Variants in IQCE observed in about 807,000 individuals in gnomAD.
The protein encoded by IQCE is IQ motif containing E, also known as IQ domain-containing protein E.
Under a neutral mutation model 96.0 loss-of-function variants are expected in IQCE, and 115 were observed. That is an observed-to-expected ratio of 1.20 (90% CI 1.03 to 1.40). The LOEUF is 1.40. Among genes scored for constraint, IQCE ranks in the 40% most tolerant of loss-of-function variants. IQCE has a pLI of 0.00. For missense variants in IQCE, 1,041 were observed against 909.1 expected (o/e 1.15, Z -1.87); for synonymous variants, 412 against 371.2 (o/e 1.11, Z -1.26).
intron 2 of IQCE, 55 bp from the exon 3 acceptor site, chr7:2,568,899 T>C: frequency 6.6e-7 from 1 of 1,508,254 alleles, no homozygotes; most frequent in Non-Finnish European, 9.2e-7. Flanking sequence ...TAGGGTCTTG[T>C]GATGCACCAC....
At chr7:2,571,336 T>C in intron 3 of IQCE, 190 bp from the exon 4 acceptor site, 1 of 660,930 alleles carries the variant, frequency 1.5e-6, no homozygotes, top group South Asian at 1.7e-5. Flanking sequence ...GCTATTTCTT[T>C]ATAATAAAAG....
At chr7:2,576,983 G>C (rs779801597) in intron 6 of IQCE, among the ~76,000 whole-genome samples, 11 of 152,166 alleles carry the variant, frequency 7.2e-5, no homozygotes, top group Admixed American at 1.3e-4. Context: ...CTCATCACGG[G>C]TTCCGTTGGT....
intron 4 of IQCE, among the ~76,000 whole-genome samples, 170 bp from the exon 5 acceptor site, chr7:2,572,022 A>T (rs920066212): frequency 6.6e-6 from 1 of 152,206 alleles, no homozygotes; most frequent in Non-Finnish European, 1.5e-5. Context: ...TCAGGACTGT[A>T]TTAATTGATA....
At chr7:2,565,105 T>TGC (rs1489180064) in intron 1 of IQCE, among the ~76,000 whole-genome samples, 3 of 148,628 alleles carry the variant, frequency 2.0e-5, no homozygotes, top group Non-Finnish European at 1.5e-5. Context: ...TGCGTGTGTG[T>TGC]GTGTGAGTGC....
intron 15 of IQCE, among the ~76,000 whole-genome samples, chr7:2,594,276 A>G (rs1783845366): frequency 6.6e-6 from 1 of 152,232 alleles, no homozygotes; most frequent in Non-Finnish European, 1.5e-5. Context: ...ACAAAAAAAA[A>G]GAAAACATTT....
chr7:2,586,390 C>G lies in IQCE; in HGVS notation c.988+19C>G, dbSNP rs749859854. 1.1e-5 allele frequency: 18 copies of G among 1,576,332 alleles called. No homozygotes were observed. The highest frequency in any genetic ancestry group is 1.5e-5 in the Non-Finnish European group (18 of 1,168,170). On this transcript the variant is annotated intron_variant, in intron 12 of 21. Coordinates refer to ENST00000402050, the MANE Select transcript of IQCE (RefSeq NM_152558.5). Reference sequence around the variant, plus strand: ...ACACAGGGTACCTTCCTGAAAGCCACTCCAGGAGGGAGGCCAGGGAATGGC... The same window carrying G: ...ACACAGGGTACCTTCCTGAAAGCCAGTCCAGGAGGGAGGCCAGGGAATGGC...
At chr7:2,605,748 A>C in intron 19 of IQCE, 128 bp from the exon 20 acceptor site, 3 of 924,124 alleles carry the variant, frequency 3.2e-6, no homozygotes, top group Non-Finnish European at 3.0e-6. Context: ...CCCGGGAGGC[A>C]GGGCCATCTG....
At chr7:2,563,064 T>A (rs546304705) in intron 1 of IQCE, among the ~76,000 whole-genome samples, 1 of 152,238 alleles carries the variant, frequency 6.6e-6, no homozygotes, top group South Asian at 2.1e-4. Flanking sequence ...TAGCTGGGAC[T>A]ACAGGCGTGT....
At chr7:2,585,503 A>G (rs1391485857) in intron 11 of IQCE, among the ~76,000 whole-genome samples, 1 of 152,250 alleles carries the variant, frequency 6.6e-6, no homozygotes, top group Non-Finnish European at 1.5e-5. Context: ...GGGGGCCCAC[A>G]CAGCCTTCCT....
In IQCE at chr7:2,602,478, G is replaced by A. The variant is rs557233682; in HGVS notation, c.1632+1014G>A. Among the ~76,000 whole-genome samples the A allele has an allele frequency of 5.3e-4, 80 of 152,226 alleles. 1 individual carries two copies. Among genetic ancestry groups the A allele is most frequent in the South Asian group, 1.2e-3 (6 of 4,822 alleles). On this transcript the variant is annotated intron_variant, in intron 18 of 21. Transcript: ENST00000402050. ...CACTTAGACTGCAGGAGAGGACCCC[G>A]CCTCAGTCACTCAGAGCTGGCGCTG...
intron 17 of IQCE, 149 bp downstream of exon 17, chr7:2,598,781 T>C: frequency 1.7e-6 from 1 of 587,444 alleles, no homozygotes; most frequent in Non-Finnish European, 2.6e-6. Flanking sequence ...GAAAACCTCA[T>C]TCACACGCTG....
At chr7:2,569,787 C>T (rs1232834281) in intron 3 of IQCE, among the ~76,000 whole-genome samples, 1 of 152,132 alleles carries the variant, frequency 6.6e-6, no homozygotes, top group Admixed American at 6.5e-5. Flanking sequence ...GTATATGACG[C>T]ACTCAGAGAA....
At chr7:2,578,397 C>T in intron 7 of IQCE, 42 bp downstream of exon 7, 2 of 1,610,852 alleles carry the variant, frequency 1.2e-6, no homozygotes, top group Non-Finnish European at 1.7e-6. Flanking sequence ...GGGGAGGGTC[C>T]TCGGGGCAGC....
At chr7:2,583,459 C>T (rs556623881) in intron 9 of IQCE, among the ~76,000 whole-genome samples, 178 bp from the exon 10 acceptor site, 4 of 152,122 alleles carry the variant, frequency 2.6e-5, no homozygotes, top group South Asian at 4.1e-4. Flanking sequence ...CCATCAGGCT[C>T]GAAACGAGTC....
At chr7:2,566,184 C>T (rs933772376) in intron 1 of IQCE, among the ~76,000 whole-genome samples, 2 of 152,144 alleles carry the variant, frequency 1.3e-5, no homozygotes, top group African/African-American at 4.8e-5. Context: ...CATTGGAAAG[C>T]ACCAATATGA....
chr7:2,571,729 T>A, intron 4 of IQCE, 75 bp downstream of exon 4: 2 of 1,463,956 alleles, frequency 1.4e-6, no homozygotes, highest in Non-Finnish European at 1.9e-6. Context: ...TGGTTTGAGA[T>A]GGAGTTTTTA....
chr7:2,585,971 G>A lies in IQCE; in HGVS notation c.825-237G>A, dbSNP rs1583454665. 2.0e-5 allele frequency among the ~76,000 whole-genome samples: 3 copies of A among 152,090 alleles called. No homozygotes were observed. In the South Asian group the frequency reaches 6.2e-4, roughly 32 times the overall value. On this transcript the variant is annotated intron_variant, in intron 11 of 21. Transcript: ENST00000402050. ...AGTATAATACTGATGGTTGAACACG[G>A]TATTTTGTTACACAGGTTTACCTTG...
Position 2,598,503 on chromosome 7 carries a change from C to T in IQCE, c.1479C>T (p.His493=). Residue 493 remains histidine (H), a synonymous_variant, in exon 17 of 22, where the codon CAC becomes CAT. Coordinates refer to ENST00000402050, the MANE Select transcript of IQCE (RefSeq NM_152558.5). ...CAGCTCCCACTCCCAGCAGCAGGCA[C>T]TGCGAGCAAGACTGGCCGCCGGATT... is the stretch of plus-strand genomic sequence containing the variant. The part of the protein sequence containing the change: ...ELPAPTPSSR[H]CEQDWPPDSS... 6.2e-7 allele frequency: 1 copy of T among 1,606,890 alleles called. No homozygotes were observed. The highest frequency in any genetic ancestry group is 8.5e-7 in the Non-Finnish European group (1 of 1,176,538).
At chr7:2,562,594 T>C (rs200723825) in intron 1 of IQCE, among the ~76,000 whole-genome samples, 1,369 of 100,420 alleles carry the variant, frequency 0.014, 6 homozygotes, top group Non-Finnish European at 0.019. Flanking sequence ...TGAGGCCCCC[T>C]TTTTTTTTTT....
Sources: allele counts gnomAD v4.1 joint callset (sites outside exome capture counted in the v4.1 genomes callset), GRCh38; gene constraint gnomAD v4.1.1; transcripts MANE v1.5; gene names NCBI Gene and HGNC (gene_info 2026-07-23, HGNC 2026-07-21).